Variants in FAM227B observed in about 807,000 individuals in gnomAD.
FAM227B encodes family with sequence similarity 227 member B.
Under a neutral mutation model 73.8 loss-of-function variants are expected in FAM227B, and 88 were observed. The observed-to-expected ratio is 1.19, with a 90% CI of 1.00 to 1.42. FAM227B has a LOEUF of 1.42. Ranked by LOEUF, FAM227B falls within the 40% of genes most tolerant of loss-of-function variation. The pLI is 0.00. For missense variants in FAM227B, 632 were observed against 590.9 expected, an observed-to-expected ratio of 1.07 and a Z score of -0.72; for synonymous variants, 210 against 190.5, an observed-to-expected ratio of 1.10 and a Z score of -0.84.
At chr15:49,350,021 C>T (rs901057454) in intron 13 of FAM227B, among the ~76,000 whole-genome samples, 3 of 152,106 alleles carry the variant, frequency 2.0e-5, no homozygotes, top group Non-Finnish European at 4.4e-5. Context: ...AACTCTTAAG[C>T]CCCTAAACTT....
intron 11 of FAM227B, among the ~76,000 whole-genome samples, chr15:49,405,342 A>G (rs1247969407): frequency 1.3e-5 from 2 of 152,166 alleles, no homozygotes; most frequent in Non-Finnish European, 2.9e-5. Context: ...ATCCTGAAAT[A>G]TGTTTTCCAA....
At chr15:49,496,931 T>TCACACA (rs147133019) in intron 11 of FAM227B, among the ~76,000 whole-genome samples, 1,500 of 142,114 alleles carry the variant, frequency 0.011, 25 homozygotes, top group African/African-American at 0.036. Flanking sequence ...ATACACAAAG[T>TCACACA]CACACACACA....
At chr15:49,369,235 G>A (rs931651113) in intron 12 of FAM227B, among the ~76,000 whole-genome samples, 1 of 152,148 alleles carries the variant, frequency 6.6e-6, no homozygotes, top group Non-Finnish European at 1.5e-5. Flanking sequence ...GGGATTACAG[G>A]CGTGAGCCAC....
At chr15:49,395,420 G>A (rs2047511600) in intron 11 of FAM227B, among the ~76,000 whole-genome samples, 1 of 152,128 alleles carries the variant, frequency 6.6e-6, no homozygotes, top group Non-Finnish European at 1.5e-5. Context: ...GCAAGGGAGA[G>A]GCTAAAATTC....
At chr15:49,572,094 A>G (rs1201689923) in intron 8 of FAM227B, among the ~76,000 whole-genome samples, 2 of 151,958 alleles carry the variant, frequency 1.3e-5, no homozygotes, top group Non-Finnish European at 2.9e-5. Context: ...TAAGTATTTT[A>G]CTTTTTGTTA....
In FAM227B at chr15:49,445,364, A is replaced by G. The variant is rs189369699; in HGVS notation, c.1012+62847T>C. ...TTAGCTCTTACTTATAAGTGAAAAC[A>G]TGCAGTATTTGGTTTTCTGTTCCTG... On this transcript the variant is annotated intron_variant, in intron 11 of 15. Coordinates refer to ENST00000299338, the MANE Select transcript of FAM227B (RefSeq NM_152647.3). Among the ~76,000 whole-genome samples, 598 of 151,758 alleles carry G rather than the reference A, an allele frequency of 3.9e-3. 4 individuals carry two copies. The highest frequency in any genetic ancestry group is 0.034 in the Middle Eastern group (10 of 294).
chr15:49,534,209 T>C (rs989276402), intron 10 of FAM227B, among the ~76,000 whole-genome samples: 3 of 151,846 alleles, frequency 2.0e-5, no homozygotes, highest in African/African-American at 7.2e-5. Flanking sequence ...AGGTCACCTC[T>C]GCAGGTAGAG....
rs543428153 is a variant in FAM227B, at chr15:49,554,602, A to G, written c.748-12796T>C. ...ACAGCACTGAGTTAACTATCTCACA[A>G]TGTTGTGTTCTTTCCCCAGCACCCA... On this transcript the variant is annotated intron_variant, in intron 9 of 15. Transcript: ENST00000299338. 1.4e-4 allele frequency among the ~76,000 whole-genome samples: 21 copies of G among 152,106 alleles called. No homozygotes were observed. In the South Asian group the frequency reaches 2.3e-3, roughly 17 times the overall value.
chr15:49,440,960 C>CA lies in FAM227B; in HGVS notation c.1012+67250dup, dbSNP rs1380017757. The stretch of plus-strand genomic sequence containing the variant: ...TGGAAAAAACTGTAACAAGAAAACT[C>CA]AACCTGCTTACTGCTTAGAGATTCA... On this transcript the variant is annotated intron_variant, in intron 11 of 15. Coordinates refer to ENST00000299338, the MANE Select transcript of FAM227B (RefSeq NM_152647.3). Among the ~76,000 whole-genome samples the CA allele has an allele frequency of 2.0e-5, 3 of 151,912 alleles. No homozygotes were observed. In the East Asian group the frequency reaches 5.8e-4, roughly 30 times the overall value.
chr15:49,508,237 G>A lies in FAM227B; in HGVS notation c.986C>T (p.Ala329Val), dbSNP rs778928754. 3 of 1,610,354 alleles carry A rather than the reference G, an allele frequency of 1.9e-6. No homozygotes were observed. The Admixed American group carries it at 5.1e-5, about 27-fold the overall frequency. ...AGTTGATATATGTTCTTGACTGTCT[G>A]CAATTCTTTCCTTTACTGATTTTGC... ...APAKSVKERI[A>V]DSQEHISTSI... is the part of the protein sequence containing the mutation. The change falls in exon 11 of 16, where the codon GCA becomes GTA. Residue 329 changes from alanine to valine, a missense_variant. By Grantham distance (64) the Ala-to-Val change is moderately conservative. Transcript: ENST00000299338.
intron 13 of FAM227B, among the ~76,000 whole-genome samples, chr15:49,336,085 G>T (rs1412677341): frequency 6.6e-6 from 1 of 152,184 alleles, no homozygotes; most frequent in Non-Finnish European, 1.5e-5. Flanking sequence ...TGGGATTACA[G>T]GTGTGAGCCA....
intron 6 of FAM227B, chr15:49,577,296 C>A: frequency 3.0e-6 from 1 of 331,058 alleles, no homozygotes; most frequent in South Asian, 2.7e-5. Flanking sequence ...GGCCCCATTC[C>A]CCACACCCCC....
chr15:49,524,626 AG>A (rs995436836), intron 10 of FAM227B, among the ~76,000 whole-genome samples: 37 of 152,322 alleles, frequency 2.4e-4, no homozygotes, highest in African/African-American at 8.9e-4. Context: ...CCAGAATGGT[AG>A]ATCCACTGAC....
chr15:49,577,428 C>G, intron 6 of FAM227B: 2 of 463,994 alleles, frequency 4.3e-6, no homozygotes, highest in South Asian at 9.5e-5. Context: ...GATATAAACT[C>G]AAATGATCAA....
chr15:49,332,891 C>T (rs561675034), intron 14 of FAM227B, among the ~76,000 whole-genome samples: 1 of 152,280 alleles, frequency 6.6e-6, no homozygotes, highest in East Asian at 1.9e-4. Flanking sequence ...TGCTCTGTGA[C>T]TGGTACATGC....
intron 3 of FAM227B, among the ~76,000 whole-genome samples, chr15:49,610,051 T>G (rs2077786849): frequency 6.6e-6 from 1 of 152,106 alleles, no homozygotes; most frequent in African/African-American, 2.4e-5. Flanking sequence ...AGTGAAGAGC[T>G]GGCATAAACC....
At chr15:49,597,003 G>T (rs1267306005) in intron 3 of FAM227B, among the ~76,000 whole-genome samples, 1 of 151,944 alleles carries the variant, frequency 6.6e-6, no homozygotes, top group Non-Finnish European at 1.5e-5. Context: ...AAATGAGATA[G>T]ATGGGAACAC....
intron 10 of FAM227B, among the ~76,000 whole-genome samples, chr15:49,514,083 T>C (rs533016129): frequency 6.6e-6 from 1 of 152,046 alleles, no homozygotes; most frequent in South Asian, 2.1e-4. Context: ...ATGTGGGCTC[T>C]TTTTTTGGTT....
intron 9 of FAM227B, among the ~76,000 whole-genome samples, chr15:49,545,742 T>C (rs1452847751): frequency 2.6e-5 from 4 of 152,302 alleles, no homozygotes; most frequent in African/African-American, 4.8e-5. Context: ...TTAATTTCAT[T>C]GTTCACCCAA....
Sources: allele counts gnomAD v4.1 joint callset (sites outside exome capture counted in the v4.1 genomes callset), GRCh38; gene constraint gnomAD v4.1.1; transcripts MANE v1.5; gene names NCBI Gene and HGNC (gene_info 2026-07-23, HGNC 2026-07-21).